Variants in MYO16 observed in about 807,000 individuals in gnomAD.
The protein encoded by MYO16 is myosin XVI, also known as unconventional myosin-XVI.
Under a neutral mutation model 205.3 loss-of-function variants are expected in MYO16, and 94 were observed. That is an observed-to-expected ratio of 0.46 (90% CI 0.39 to 0.54). The LOEUF (loss-of-function observed/expected upper bound fraction) is 0.54, where lower values mean the gene tolerates loss of function less well. Among genes scored for constraint, MYO16 ranks in the 20% least tolerant of loss-of-function variants. The pLI, the probability that MYO16 is intolerant of heterozygous loss-of-function variation, is 0.00. For missense variants in MYO16, 2,315 were observed against 2,387.5 expected (o/e 0.97, Z 0.63); for synonymous variants, 988 against 954.0 (o/e 1.04, Z -0.66).
At chr13:108,906,667 A>G (rs1185188894) in intron 15 of MYO16, among the ~76,000 whole-genome samples, 1 of 152,212 alleles carries the variant, frequency 6.6e-6, no homozygotes, top group African/African-American at 2.4e-5. Context: ...AAAGGCCTGC[A>G]ACAGAATTTA....
chr13:109,128,743 A>C (rs1258157273), intron 31 of MYO16, among the ~76,000 whole-genome samples: 1 of 150,984 alleles, frequency 6.6e-6, no homozygotes, highest in Admixed American at 6.6e-5. Context: ...TTCTGTGCTG[A>C]GAGCACTTAG....
At chr13:109,179,808 C>T (rs1879379640) in intron 34 of MYO16, among the ~76,000 whole-genome samples, 175 bp downstream of exon 34, 2 of 152,062 alleles carry the variant, frequency 1.3e-5, no homozygotes, top group Non-Finnish European at 2.9e-5. Context: ...CAGCTGACTG[C>T]AATTTTCTGC....
At chr13:109,014,316 T>A (rs1885726016) in intron 22 of MYO16, among the ~76,000 whole-genome samples, 1 of 152,200 alleles carries the variant, frequency 6.6e-6, no homozygotes, top group Admixed American at 6.5e-5. Context: ...TTCTGTTCCA[T>A]TGGTCTATCT....
intron 6 of MYO16, among the ~76,000 whole-genome samples, chr13:108,802,435 G>T (rs1194403659): frequency 1.3e-5 from 2 of 152,066 alleles, no homozygotes; most frequent in Non-Finnish European, 2.9e-5. Context: ...TCTTTTTTAA[G>T]GGTGACTAGT....
At chr13:109,023,223 A>ATATATTATACAGATATAAATATATATAT (rs1886160900) in intron 23 of MYO16, among the ~76,000 whole-genome samples, 1 of 113,636 alleles carries the variant, frequency 8.8e-6, no homozygotes, top group Non-Finnish European at 1.7e-5. Context: ...GTATATATTT[A>ATATATTATACAGATATAAATATATATAT]TATATTATAC....
At chr13:108,550,013 C>G in the MYO16 span, among the ~76,000 whole-genome samples, 4 of 152,222 alleles carry the variant, frequency 2.6e-5, no homozygotes, top group Non-Finnish European at 5.9e-5. Context: ...CTGAATCCAG[C>G]TCTATTTCAT....
chr13:108,701,612 G>C (rs534328592), intron 2 of MYO16, among the ~76,000 whole-genome samples: 7 of 152,152 alleles, frequency 4.6e-5, no homozygotes, highest in Non-Finnish European at 1.0e-4. Flanking sequence ...TGTTATAGCA[G>C]CACAAACCAA....
At chr13:108,786,093 G>A (rs1886449368) in intron 5 of MYO16, among the ~76,000 whole-genome samples, 1 of 152,244 alleles carries the variant, frequency 6.6e-6, no homozygotes, top group African/African-American at 2.4e-5. Context: ...TTGAGCTAAT[G>A]AGAACAAGGT....
intron 20 of MYO16, among the ~76,000 whole-genome samples, chr13:108,979,031 C>T (rs1884367519): frequency 6.6e-6 from 1 of 151,886 alleles, no homozygotes; most frequent in Non-Finnish European, 1.5e-5. Flanking sequence ...ATTTACATTC[C>T]TGATACTGTT....
rs1345489573 is a variant in MYO16, at chr13:108,869,647, C to A, written c.1425+3405C>A. On this transcript the variant is annotated intron_variant, in intron 12 of 34. Transcript: ENST00000457511. Reference sequence around the variant, plus strand: ...TCGGGAGGCTGAGGCAGCAGAATGGCGTGAACCCGGGAGGCGGAGGTTGCA... The same window carrying A: ...TCGGGAGGCTGAGGCAGCAGAATGGAGTGAACCCGGGAGGCGGAGGTTGCA... Among the ~76,000 whole-genome samples, 9 of 140,386 alleles carry A rather than the reference C, an allele frequency of 6.4e-5. No homozygotes were observed. The East Asian group carries it at 1.9e-3, about 30-fold the overall frequency. The allele number at this position is 140,386 out of a possible 152,430, so 92.1% of individuals were successfully genotyped here.
intron 16 of MYO16, among the ~76,000 whole-genome samples, chr13:108,927,808 G>C (rs537169295): frequency 9.2e-5 from 14 of 152,138 alleles, no homozygotes; most frequent in African/African-American, 2.9e-4. Context: ...CCCTCTCCAC[G>C]GATAAGGAAA....
intron 12 of MYO16, among the ~76,000 whole-genome samples, chr13:108,882,288 A>G (rs537117988): frequency 2.0e-5 from 3 of 152,310 alleles, no homozygotes; most frequent in Non-Finnish European, 1.5e-5. Context: ...TTGTCTCAGT[A>G]ATGCCCATAG....
chr13:108,684,572 T>G (rs1323027183), intron 2 of MYO16, among the ~76,000 whole-genome samples: 2 of 152,176 alleles, frequency 1.3e-5, no homozygotes, highest in Admixed American at 6.5e-5. Flanking sequence ...TCCTAATCCC[T>G]TGGAATTTCC....
At chr13:109,001,802 C>T (rs969530158) in intron 21 of MYO16, among the ~76,000 whole-genome samples, 18 of 152,076 alleles carry the variant, frequency 1.2e-4, no homozygotes, top group Non-Finnish European at 1.5e-5. Flanking sequence ...CATATTTCCC[C>T]AATGGGCTTC....
chr13:108,785,643 CA>C lies in MYO16; in HGVS notation c.518del (p.Asn173MetfsTer7). On this transcript the variant is annotated frameshift_variant, in exon 5 of 35. Coordinates refer to ENST00000457511, the MANE Select transcript of MYO16 (RefSeq NM_001198950.3). LOFTEE classifies it high-confidence loss of function. ...IVLLLVLAGA[N>X]VLLQDVNGNI... ...TTTTTCTTTTTATCTAGGCTGGAGC[CA>C]ATGTCCTTCTCCAGGATGTGAATGG... is the stretch of plus-strand genomic sequence containing the variant. The C allele has an allele frequency of 6.2e-7, 1 of 1,604,748 alleles. No individual in the cohort carries two copies. The highest frequency in any genetic ancestry group is 8.5e-7 in the Non-Finnish European group (1 of 1,176,198).
At chr13:109,065,999 G>C (rs951990112) in intron 27 of MYO16, among the ~76,000 whole-genome samples, 63 of 152,150 alleles carry the variant, frequency 4.1e-4, no homozygotes, top group African/African-American at 1.5e-3. Context: ...TGTGTTTTTA[G>C]ATTGTTACTG....
Position 108,962,487 on chromosome 13 carries a change from A to G in MYO16, c.2219A>G (p.Tyr740Cys). ...TCTGCCTTAACAACTGATATTCAATATTTTAAAGGTAATTTTTTTATGCTC... is the reference window on the plus strand; with the variant it reads ...TCTGCCTTAACAACTGATATTCAATGTTTTAAAGGTAATTTTTTTATGCTC... ...LASALTTDIQ[Y>C]FKGDMIIRRH... The change falls in exon 19 of 35, where the codon TAT (tyrosine) becomes TGT (cysteine). Residue 740 changes from tyrosine (Y) to cysteine (C), a missense_variant. Around this residue, in one of 3 missense-constraint regions of MYO16, gnomAD observed 1,213 missense variants for 1,274.4 expected, o/e 0.95. Transcript: ENST00000457511. The G allele has an allele frequency of 6.3e-7, 1 of 1,575,856 alleles. No individual in the cohort carries two copies.
chr13:108,970,533 G>C (rs117533861), intron 20 of MYO16, among the ~76,000 whole-genome samples: 4 of 152,282 alleles, frequency 2.6e-5, no homozygotes, highest in South Asian at 4.1e-4. Flanking sequence ...CAAGGCCTGC[G>C]GGGGCAGCTG....
chr13:109,187,058 A>C (rs913632129), intron 34 of MYO16, among the ~76,000 whole-genome samples: 3 of 152,240 alleles, frequency 2.0e-5, no homozygotes, highest in Non-Finnish European at 4.4e-5. Context: ...TTTTGCCAAT[A>C]TGATAAATGT....
Sources: gnomAD v4.1 joint callset for allele counts (sites outside exome capture counted in the v4.1 genomes callset) on GRCh38, gnomAD v4.1.1 for gene constraint, gnomAD v4.1.1 regional missense constraint, MANE v1.5 for transcripts, NCBI Gene and HGNC (gene_info 2026-07-23, HGNC 2026-07-21) for gene names.